Variants in CTIF observed in about 807,000 individuals in gnomAD.
CTIF encodes cap binding complex dependent translation initiation factor.
A neutral mutation model predicts 66.0 loss-of-function variants in CTIF; 21 were observed. The observed-to-expected ratio is 0.32, with a 90% CI of 0.23 to 0.46. The LOEUF (loss-of-function observed/expected upper bound fraction) is 0.46. Ranked by LOEUF, CTIF falls within the 20% of genes least tolerant of loss-of-function variation. The probability of loss-of-function intolerance (pLI) is 1.00; values close to 1 mark genes in which losing one functional copy is unlikely to be tolerated. For missense variants in CTIF, 739 were observed against 812.7 expected, an observed-to-expected ratio of 0.91 and a Z score of 1.10; for synonymous variants, 345 against 326.4, an observed-to-expected ratio of 1.06 and a Z score of -0.62.
At chr18:48,669,312 T>G (rs2091485399) in intron 5 of CTIF, among the ~76,000 whole-genome samples, 1 of 152,120 alleles carries the variant, frequency 6.6e-6, no homozygotes, top group South Asian at 2.1e-4. Flanking sequence ...ATGACCCAAC[T>G]CATGGGACAT....
At chr18:48,653,593 A>C (rs2091195770) in intron 3 of CTIF, among the ~76,000 whole-genome samples, 1 of 152,222 alleles carries the variant, frequency 6.6e-6, no homozygotes, top group African/African-American at 2.4e-5. Context: ...TCAAGCTACC[A>C]ATGACTTTCT....
chr18:48,828,744 G>A (rs190486974), intron 10 of CTIF, among the ~76,000 whole-genome samples: 71 of 152,354 alleles, frequency 4.7e-4, no homozygotes, highest in Non-Finnish European at 7.1e-4. Flanking sequence ...TCGGGCATGG[G>A]CCCAGCACGA....
At chr18:48,789,956 G>A (rs1287880326) in intron 9 of CTIF, among the ~76,000 whole-genome samples, 1 of 152,144 alleles carries the variant, frequency 6.6e-6, no homozygotes, top group Non-Finnish European at 1.5e-5. Flanking sequence ...TCATGACCTT[G>A]GGCAGGGTAC....
At chr18:48,651,392 C>T (rs2091153713) in intron 3 of CTIF, among the ~76,000 whole-genome samples, 1 of 152,128 alleles carries the variant, frequency 6.6e-6, no homozygotes, top group Non-Finnish European at 1.5e-5. Context: ...TCAAAAGAGA[C>T]AAAGAAGGCC....
At chr18:48,602,829 G>T (rs143960580) in intron 1 of CTIF, among the ~76,000 whole-genome samples, 6 of 150,424 alleles carry the variant, frequency 4.0e-5, no homozygotes, top group African/African-American at 1.2e-4. Context: ...ATGGGTGGAT[G>T]AATGGATGGA....
At position 48,593,643 on chromosome 18, in the gene CTIF, A is replaced by C. The variant is rs2089934952; in HGVS notation, c.-28-25895A>C. Among the ~76,000 whole-genome samples, 9 of 151,912 alleles carry C rather than the reference A, an allele frequency of 5.9e-5. No homozygotes were observed. In the South Asian group the frequency reaches 1.9e-3, roughly 32 times the overall value. ...GTGATCCGCCCGCCTCAGCCTCCCA[A>C]AGTGCTGGGATTACAGGTGTGAGCC... On this transcript the variant is annotated intron_variant, in intron 1 of 11. Transcript: ENST00000256413.
intron 7 of CTIF, 48 bp from the exon 8 acceptor site, chr18:48,757,871 C>G: frequency 6.4e-7 from 1 of 1,569,876 alleles, no homozygotes; most frequent in Admixed American, 1.8e-5. Context: ...GGACTCTGAC[C>G]AGCCCGCCCA....
intron 4 of CTIF, 118 bp from the exon 5 acceptor site, chr18:48,664,329 C>G (rs1847166594): frequency 2.3e-6 from 2 of 851,424 alleles, no homozygotes; most frequent in East Asian, 2.4e-5. Flanking sequence ...CCCCGCCTGG[C>G]CCCTGGCGGC....
chr18:48,737,777 G>A (rs971444409), intron 7 of CTIF, among the ~76,000 whole-genome samples: 10 of 152,212 alleles, frequency 6.6e-5, no homozygotes, highest in African/African-American at 2.4e-4. Context: ...ACACAGGGGA[G>A]TTAGTAGCAC....
At chr18:48,615,632 C>G (rs1166473677) in intron 1 of CTIF, among the ~76,000 whole-genome samples, 3 of 152,226 alleles carry the variant, frequency 2.0e-5, no homozygotes, top group Non-Finnish European at 4.4e-5. Context: ...CTGGAATTGT[C>G]TGAGACACTG....
intron 6 of CTIF, among the ~76,000 whole-genome samples, chr18:48,685,028 G>GT (rs1355464376): frequency 8.3e-6 from 1 of 120,540 alleles, no homozygotes; most frequent in Non-Finnish European, 1.8e-5. Flanking sequence ...TTGTTTGTTT[G>GT]TATTTTTTTT....
intron 6 of CTIF, among the ~76,000 whole-genome samples, chr18:48,695,367 CT>C (rs1405989151): frequency 6.6e-6 from 1 of 152,192 alleles, no homozygotes; most frequent in African/African-American, 2.4e-5. Flanking sequence ...ATAATGGGAT[CT>C]GGGGGTCTAT....
intron 3 of CTIF, among the ~76,000 whole-genome samples, chr18:48,646,141 G>A (rs928275144): frequency 6.6e-6 from 1 of 152,032 alleles, no homozygotes; most frequent in African/African-American, 2.4e-5. Flanking sequence ...TTACAGAGAG[G>A]GAGAAAATAT....
chr18:48,758,525 C>G, intron 8 of CTIF, 120 bp downstream of exon 8: 1 of 1,248,142 alleles, frequency 8.0e-7, no homozygotes, highest in Non-Finnish European at 1.1e-6. Flanking sequence ...GAGCCATGTA[C>G]AGGGAAGCAG....
intron 1 of CTIF, among the ~76,000 whole-genome samples, chr18:48,606,134 G>C (rs1245274139): frequency 6.6e-6 from 1 of 152,158 alleles, no homozygotes; most frequent in East Asian, 1.9e-4. Flanking sequence ...GCAGAGCTTG[G>C]CTTTCTCATA....
chr18:48,561,565 G>T (rs8091660), intron 1 of CTIF, among the ~76,000 whole-genome samples: 94,735 of 152,000 alleles, frequency 0.62, 30,951 homozygotes, highest in East Asian at 0.9. Flanking sequence ...GGGCTGCAGA[G>T]ATGGATCAGG....
intron 3 of CTIF, among the ~76,000 whole-genome samples, chr18:48,647,247 G>A (rs542441484): frequency 2.0e-5 from 3 of 152,336 alleles, no homozygotes; most frequent in African/African-American, 7.2e-5. Flanking sequence ...TCTTGAGAGG[G>A]CAAAGTAATA....
At chr18:48,667,855 C>A (rs139328080) in intron 5 of CTIF, among the ~76,000 whole-genome samples, 102 of 152,334 alleles carry the variant, frequency 6.7e-4, no homozygotes, top group Non-Finnish European at 1.2e-3. Context: ...TCTGTGGCCA[C>A]CTCATGGCCA....
At chr18:48,709,383 G>T (rs971488159) in intron 6 of CTIF, among the ~76,000 whole-genome samples, 10 of 152,284 alleles carry the variant, frequency 6.6e-5, no homozygotes, top group African/African-American at 2.4e-4. Context: ...GCCACACTGA[G>T]TCTTGGGACA....
Sources: gnomAD v4.1 joint callset for allele counts (sites outside exome capture counted in the v4.1 genomes callset) on GRCh38, gnomAD v4.1.1 for gene constraint, MANE v1.5 for transcripts, NCBI Gene and HGNC (gene_info 2026-07-23, HGNC 2026-07-21) for gene names.